The following RPS6KA3 variants were observed in gnomAD, a reference collection of about 807,000 sequenced individuals.
RPS6KA3 encodes ribosomal protein S6 kinase A3.
A neutral mutation model predicts 67.2 loss-of-function variants in RPS6KA3; 4 were observed. That is an observed-to-expected ratio of 0.06 (90% confidence interval 0.03 to 0.14). RPS6KA3 has a LOEUF of 0.14. RPS6KA3 is among the 10% of genes least tolerant of loss of function. The pLI is 1.00. For synonymous variants in RPS6KA3, 182 were observed against 183.7 expected (o/e 0.99, Z 0.07); for missense variants, 204 against 559.0 (o/e 0.36, Z 6.40).
chrX:20,178,342 T>G (rs1317996696), intron 10 of RPS6KA3, among the ~76,000 whole-genome samples: 1 of 111,516 alleles, frequency 9.0e-6, no homozygotes, highest in Non-Finnish European at 1.9e-5. Flanking sequence ...CATTAATCCC[T>G]CTAGATAGTT....
At chrX:20,155,909 A>G (rs1194263642) in intron 21 of RPS6KA3, among the ~76,000 whole-genome samples, 200 bp downstream of exon 21, 2 of 112,479 alleles carry the variant, frequency 1.8e-5, no homozygotes, top group Non-Finnish European at 3.8e-5. Flanking sequence ...ACTGAGAGGA[A>G]TTCAAAAGTC....
chrX:20,152,677 T>A lies in RPS6KA3; in HGVS notation c.*2721A>T, dbSNP rs1477137623. ...TTTAGAGCACATCGTTGGCCAAGTT[T>A]TTCCACTGTATGTCAAAAGCAATGG... On this transcript the variant is annotated 3_prime_UTR_variant, in exon 22 of 22. Transcript: ENST00000379565. The A allele has an allele frequency of 8.9e-6, 1 of 112,328 alleles. No homozygotes were observed. Among genetic ancestry groups the A allele is most frequent in the Non-Finnish European group, 1.9e-5 (1 of 53,269 alleles). 9.3% of individuals were successfully genotyped at this position (112,328 alleles called of 1,213,427 possible).
At chrX:20,248,001 T>C (rs1336241158) in intron 1 of RPS6KA3, among the ~76,000 whole-genome samples, 1 of 111,704 alleles carries the variant, frequency 9.0e-6, no homozygotes, top group Non-Finnish European at 1.9e-5. Flanking sequence ...GGTCTTGTCC[T>C]TTGCTTGTTA....
At chrX:20,184,596 GA>G (rs1461780327) in intron 10 of RPS6KA3, among the ~76,000 whole-genome samples, 1 of 108,452 alleles carries the variant, frequency 9.2e-6, no homozygotes, top group Non-Finnish European at 1.9e-5. Context: ...TATTTTTGTA[GA>G]GATGGGGTTT....
At chrX:20,186,733 G>A (rs746662765) in intron 9 of RPS6KA3, among the ~76,000 whole-genome samples, 1 of 111,926 alleles carries the variant, frequency 8.9e-6, no homozygotes. Context: ...GCTGGGATTA[G>A]AGGCATGGGC....
intron 3 of RPS6KA3, among the ~76,000 whole-genome samples, chrX:20,208,287 C>G (rs1281021228): frequency 9.0e-6 from 1 of 110,560 alleles, no homozygotes; most frequent in East Asian, 2.8e-4. Flanking sequence ...GTTGGGGACC[C>G]CTGGTCTAAA....
At chrX:20,260,631 T>C (rs776034332) in intron 1 of RPS6KA3, among the ~76,000 whole-genome samples, 1 of 111,306 alleles carries the variant, frequency 9.0e-6, no homozygotes, top group Admixed American at 9.5e-5. Flanking sequence ...TTCTAAAAAA[T>C]TACCCCAGAG....
chrX:20,263,545 T>C (rs2147089563), intron 1 of RPS6KA3, among the ~76,000 whole-genome samples: 1 of 111,954 alleles, frequency 8.9e-6, no homozygotes, highest in Non-Finnish European at 1.9e-5. Context: ...CACGTTTGAG[T>C]TTAACCACAA....
intron 1 of RPS6KA3, among the ~76,000 whole-genome samples, chrX:20,240,980 CTTA>C (rs1156719439): frequency 9.0e-6 from 1 of 110,705 alleles, no homozygotes; most frequent in African/African-American, 3.3e-5. Flanking sequence ...GTTATATGCA[CTTA>C]TTATGTATTA....
At chrX:20,167,430 C>T (rs2067468650) in intron 17 of RPS6KA3, among the ~76,000 whole-genome samples, 159 bp downstream of exon 17, 2 of 111,895 alleles carry the variant, frequency 1.8e-5, no homozygotes, top group Admixed American at 1.9e-4. Context: ...ACACTTCAAT[C>T]TCAATAATAA....
rs1318586749 is a variant in RPS6KA3 at position 20,232,333 on chromosome X, G to C, written c.126+2425C>G. 2.7e-5 allele frequency among the ~76,000 whole-genome samples: 3 copies of C among 112,243 alleles called. No individual in the cohort carries two copies. In the Admixed American group the frequency reaches 2.8e-4, roughly 11 times the overall value. On this transcript the variant is annotated intron_variant, in intron 2 of 21. Transcript: ENST00000379565. ...CTCTCGCCTGTAATCCCAGCACTTTGGGAGGCCGAGGCGAGCAGATCACAA... is the reference window on the plus strand; with the variant it reads ...CTCTCGCCTGTAATCCCAGCACTTTCGGAGGCCGAGGCGAGCAGATCACAA...
chrX:20,245,453 A>G (rs2069661369), intron 1 of RPS6KA3, among the ~76,000 whole-genome samples: 1 of 112,083 alleles, frequency 8.9e-6, no homozygotes, highest in Non-Finnish European at 1.9e-5. Flanking sequence ...AACTCACTGT[A>G]CGAATGTTGT....
intron 5 of RPS6KA3, 33 bp from the exon 6 acceptor site, chrX:20,194,301 C>T (rs773471214): frequency 3.1e-6 from 3 of 953,329 alleles, no homozygotes; most frequent in Non-Finnish European, 4.5e-6. Flanking sequence ...TCATTTAGTC[C>T]ACCATAATTT....
At chrX:20,165,906 TGAG>T (rs1412202080) in intron 17 of RPS6KA3, among the ~76,000 whole-genome samples, 1 of 111,255 alleles carries the variant, frequency 9.0e-6, no homozygotes, top group Non-Finnish European at 1.9e-5. Flanking sequence ...TTCCTGAAAT[TGAG>T]GATAATACCG....
In RPS6KA3 at chrX:20,191,076, T is replaced by G. The variant is rs781224527; in HGVS notation, c.593+2411A>C. 5.4e-5 allele frequency among the ~76,000 whole-genome samples: 6 copies of G among 110,774 alleles called. No homozygotes were observed. In the South Asian group the frequency reaches 2.3e-3, roughly 42 times the overall value. Reference sequence around the variant, plus strand: ...TGGTGTTCCCCTCCCTGTGTCCATGTGTTCTCATTGTTCAACTCCCACTTA... The same window carrying G: ...TGGTGTTCCCCTCCCTGTGTCCATGGGTTCTCATTGTTCAACTCCCACTTA... On this transcript the variant is annotated intron_variant, in intron 7 of 21. Coordinates refer to ENST00000379565, the MANE Select transcript of RPS6KA3 (RefSeq NM_004586.3).
At chrX:20,208,580 G>A (rs919270479) in intron 3 of RPS6KA3, among the ~76,000 whole-genome samples, 11 of 110,402 alleles carry the variant, frequency 1.0e-4, no homozygotes, top group South Asian at 7.9e-4. Context: ...TTAGCTGGGC[G>A]TGGTGGTGTG....
chrX:20,201,583 A>G (rs940071928), intron 4 of RPS6KA3, among the ~76,000 whole-genome samples: 1 of 111,611 alleles, frequency 9.0e-6, no homozygotes, highest in African/African-American at 3.3e-5. Flanking sequence ...TAACTCCTTC[A>G]TTCTTTTTAA....
chrX:20,189,012 T>C (rs185748328), intron 7 of RPS6KA3, among the ~76,000 whole-genome samples: 1 of 112,555 alleles, frequency 8.9e-6, no homozygotes, highest in Admixed American at 9.4e-5. Context: ...GGGCTCAAGC[T>C]ATCTTCTTGC....
In RPS6KA3 at chrX:20,202,048, C is replaced by T. The variant is rs923477021; in HGVS notation, c.325+1974G>A. Among the ~76,000 whole-genome samples the T allele has an allele frequency of 1.2e-4, 12 of 103,105 alleles. No homozygotes were observed. In the East Asian group the frequency reaches 2.1e-3, roughly 18 times the overall value. 89.5% of individuals were successfully genotyped at this position (103,105 alleles called of 115,157 possible). Reference sequence around the variant, plus strand: ...AGGCTGGAGTACAGTGGTGCGATCCCGGCTCACTGCAACCTCCGCCCCCCG... The same window carrying T: ...AGGCTGGAGTACAGTGGTGCGATCCTGGCTCACTGCAACCTCCGCCCCCCG... On this transcript the variant is annotated intron_variant, in intron 4 of 21. Coordinates refer to ENST00000379565, the MANE Select transcript of RPS6KA3 (RefSeq NM_004586.3).
Sources: allele counts gnomAD v4.1 joint callset (sites outside exome capture counted in the v4.1 genomes callset), GRCh38; gene constraint gnomAD v4.1.1; transcripts MANE v1.5; gene names NCBI Gene and HGNC (gene_info 2026-07-23, HGNC 2026-07-21).